Variants in TAFA5 observed in about 807,000 individuals in gnomAD.
TAFA5 encodes chemokine-like protein TAFA-5.
TAFA5 carries 6 observed loss-of-function variants against 15.3 expected under a neutral mutation model. The observed-to-expected ratio is 0.39, with a 90% CI of 0.21 to 0.77. TAFA5 has a LOEUF of 0.77. TAFA5 is among the 30% of genes least tolerant of loss of function. The pLI is 0.41. For missense variants in TAFA5, 161 were observed against 193.1 expected, an observed-to-expected ratio of 0.83 and a Z score of 0.98; for synonymous variants, 103 against 80.7, an observed-to-expected ratio of 1.28 and a Z score of -1.48.
chr22:48,708,198 T>A (rs1248991234), intron 3 of TAFA5, among the ~76,000 whole-genome samples: 1 of 152,134 alleles, frequency 6.6e-6, no homozygotes, highest in Admixed American at 6.5e-5. Flanking sequence ...GGAGGAGGCA[T>A]CCGCCCCTCC....
chr22:48,728,921 A>T (rs1295469198), intron 3 of TAFA5, among the ~76,000 whole-genome samples: 2 of 152,242 alleles, frequency 1.3e-5, no homozygotes, highest in African/African-American at 4.8e-5. Context: ...TACTAGGCTG[A>T]GATAGGCTGA....
In TAFA5 at chr22:48,530,414, G is replaced by A. The variant is rs1424672045; in HGVS notation, c.112+40710G>A. 6.6e-6 allele frequency among the ~76,000 whole-genome samples: 1 copy of A among 152,176 alleles called. No individual in the cohort carries two copies. The highest frequency in any genetic ancestry group is 2.4e-5 in the African/African-American group (1 of 41,444). On this transcript the variant is annotated intron_variant, in intron 1 of 3. Coordinates refer to ENST00000402357, the MANE Select transcript of TAFA5 (RefSeq NM_001082967.3). The surrounding 1 kb of genome is among the most constrained non-coding windows in gnomAD (Gnocchi z 6.0). ...ATGCACCGGGCACTGTCGTGGGGCC[G>A]GCATTCAACTGAAAGGATTGGCTTC...
intron 1 of TAFA5, among the ~76,000 whole-genome samples, chr22:48,539,895 G>T (rs2147118222): frequency 1.3e-5 from 2 of 149,818 alleles, no homozygotes; most frequent in Admixed American, 1.3e-4. Context: ...GAAGGGGGCA[G>T]GGGTACAGGC....
chr22:48,517,928 G>A (rs1385647173), intron 1 of TAFA5, among the ~76,000 whole-genome samples: 1 of 152,242 alleles, frequency 6.6e-6, no homozygotes, highest in African/African-American at 2.4e-5. Flanking sequence ...ACGGTGCGGG[G>A]GCAGCCTCGT....
At chr22:48,725,365 A>G (rs1363882648) in intron 3 of TAFA5, among the ~76,000 whole-genome samples, 1 of 152,196 alleles carries the variant, frequency 6.6e-6, no homozygotes. Context: ...AATAATAATA[A>G]TAAGCACTAT....
rs181988939 is a variant in TAFA5, at chr22:48,490,728, T to C, written c.112+1024T>C. 5.6e-4 allele frequency among the ~76,000 whole-genome samples: 74 copies of C among 133,316 alleles called. No individual in the cohort carries two copies. The East Asian group carries it at 0.013, about 23-fold the overall frequency. 87.5% of individuals were successfully genotyped at this position (133,316 alleles called of 152,430 possible). On this transcript the variant is annotated intron_variant, in intron 1 of 3. Transcript: ENST00000402357. This position sits in a 1 kb window ranked among gnomAD's most constrained non-coding sequence, Gnocchi z 5.8. ...GACGGGTGCTGGGGAGCACCTGTCA[T>C]GGAGAATTGCCATGGGCGCGGGAGG...
chr22:48,709,929 A>G (rs1271863935), intron 3 of TAFA5, among the ~76,000 whole-genome samples: 3 of 152,248 alleles, frequency 2.0e-5, no homozygotes, highest in Non-Finnish European at 4.4e-5. Flanking sequence ...TGGCATCATC[A>G]CATTTTGGTT....
intron 3 of TAFA5, among the ~76,000 whole-genome samples, chr22:48,744,235 C>T (rs977435251): frequency 1.3e-5 from 2 of 152,100 alleles, no homozygotes; most frequent in Non-Finnish European, 2.9e-5. Flanking sequence ...TCAAGGAGAC[C>T]GAGGGGAGCT....
intron 1 of TAFA5, among the ~76,000 whole-genome samples, chr22:48,580,999 G>T (rs889097143): frequency 6.6e-6 from 1 of 152,226 alleles, no homozygotes; most frequent in South Asian, 2.1e-4. Flanking sequence ...TCCAGCAGAC[G>T]CTGTTTGCAA....
intron 1 of TAFA5, among the ~76,000 whole-genome samples, chr22:48,539,646 G>A (rs906458080): frequency 6.6e-6 from 1 of 152,180 alleles, no homozygotes; most frequent in South Asian, 2.1e-4. Context: ...GGTGCCACCC[G>A]ACAGGGCCTG....
At chr22:48,539,425 C>T (rs1309919687) in intron 1 of TAFA5, 1 of 471,114 alleles carries the variant, frequency 2.1e-6, no homozygotes, top group Non-Finnish European at 4.4e-6. Flanking sequence ...GCAGGAAAAG[C>T]TGTTTTGATT....
At chr22:48,576,442 G>A (rs1054556391) in intron 1 of TAFA5, 3 of 1,358,562 alleles carry the variant, frequency 2.2e-6, no homozygotes, top group Non-Finnish European at 2.9e-6. Flanking sequence ...GACCTTCGCT[G>A]CGCGACTTCG....
Position 48,560,682 on chromosome 22 carries a change from C to G in TAFA5, c.112+70978C>G, listed in dbSNP as rs867441782. Among the ~76,000 whole-genome samples the G allele has an allele frequency of 1.3e-5, 2 of 151,848 alleles. No homozygotes were observed. Among genetic ancestry groups the G allele is most frequent in the South Asian group, 4.2e-4 (2 of 4,786 alleles). On this transcript the variant is annotated intron_variant, in intron 1 of 3. Coordinates refer to ENST00000402357, the MANE Select transcript of TAFA5 (RefSeq NM_001082967.3). The surrounding 1 kb of genome is among the most constrained non-coding windows in gnomAD (Gnocchi z 4.2). ...GGGAGTGCAGTGGTGCTATTCGGCT[C>G]ACTGCATCCTCTGCCTCCCGGGTTC...
intron 1 of TAFA5, among the ~76,000 whole-genome samples, chr22:48,587,778 C>T (rs1201227750): frequency 2.6e-5 from 4 of 152,260 alleles, no homozygotes; most frequent in Non-Finnish European, 2.9e-5. Context: ...CGGCCTTCTG[C>T]CCTTGCCTTT....
At chr22:48,683,010 C>A (rs1465869370) in intron 2 of TAFA5, among the ~76,000 whole-genome samples, 2 of 152,182 alleles carry the variant, frequency 1.3e-5, no homozygotes, top group Non-Finnish European at 2.9e-5. Flanking sequence ...TCTATTGCAT[C>A]TTTCGGTAAT....
intron 2 of TAFA5, among the ~76,000 whole-genome samples, chr22:48,670,535 G>A (rs553425476): frequency 4.6e-5 from 7 of 152,314 alleles, no homozygotes; most frequent in East Asian, 1.9e-4. Context: ...TCCCGGCCCC[G>A]CACTGAGGCT....
At chr22:48,574,301 GGGTGATGAGCCAGA>G (rs1923684571) in intron 1 of TAFA5, among the ~76,000 whole-genome samples, 1 of 152,056 alleles carries the variant, frequency 6.6e-6, no homozygotes, top group Non-Finnish European at 1.5e-5. Flanking sequence ...GGCAGGTGGA[GGGTGATGAGCCAGA>G]GGTGAAGAAC....
intron 2 of TAFA5, among the ~76,000 whole-genome samples, chr22:48,684,005 A>G (rs529357336): frequency 5.3e-5 from 8 of 152,156 alleles, no homozygotes; most frequent in African/African-American, 1.9e-4. Flanking sequence ...AGTCAGTTAA[A>G]CTTTTTTTTC....
At chr22:48,573,708 C>T (rs1029532856) in intron 1 of TAFA5, among the ~76,000 whole-genome samples, 3 of 152,230 alleles carry the variant, frequency 2.0e-5, no homozygotes, top group Non-Finnish European at 2.9e-5. Context: ...AATTGGTGGG[C>T]CTGCCTCTAT....
Sources: allele counts gnomAD v4.1 joint callset (sites outside exome capture counted in the v4.1 genomes callset), GRCh38; gene constraint gnomAD v4.1.1; non-coding constraint Gnocchi (gnomAD v3.1); transcripts MANE v1.5; gene names NCBI Gene and HGNC (gene_info 2026-07-23, HGNC 2026-07-21).